The following FFAR2 variants were observed in gnomAD, a reference collection of about 807,000 sequenced individuals.
FFAR2 encodes the protein free fatty acid receptor 2.
For missense variants in FFAR2, 421 were observed against 428.9 expected (o/e 0.98, Z 0.16); for synonymous variants, 193 against 189.9 (o/e 1.02, Z -0.13).
In FFAR2 at chr19:35,448,842, C is replaced by T. The variant is rs78248256; in HGVS notation, c.-2+463C>T. On this transcript the variant is annotated intron_variant, in intron 1 of 1. Transcript: ENST00000599180. ...TTTTAGACGGAGTTTTTGCTCTTAC[C>T]GCCCAGGGTGGAGTGCAATGGCGCA... Among the ~76,000 whole-genome samples, 1,148 of 150,184 alleles carry T rather than the reference C, an allele frequency of 7.6e-3. 12 individuals carry two copies. The highest frequency in any genetic ancestry group is 0.025 in the African/African-American group (1,027 of 40,780).
rs2067375867 is a variant in FFAR2, at chr19:35,450,622, G to A, written c.908G>A (p.Gly303Asp). ...NQGSSLLGRR[G>D]KDTAEGTNED... ...GGCTCCTCCCTGTTGGGACGCAGAG[G>A]CAAAGACACAGCAGAGGGGACAAAT... The change falls in exon 2 of 2, where the codon GGC becomes GAC. Residue 303 changes from glycine to aspartate, a missense_variant. Gly to Asp is a moderately conservative substitution (Grantham distance 94). Coordinates refer to ENST00000599180, the MANE Select transcript of FFAR2 (RefSeq NM_001370087.1). 5 of 1,614,216 alleles carry A rather than the reference G, an allele frequency of 3.1e-6. No individual in the cohort carries two copies. The highest frequency in any genetic ancestry group is 4.2e-6 in the Non-Finnish European group (5 of 1,180,034).
chr19:35,450,343 C>T lies in FFAR2; in HGVS notation c.629C>T (p.Pro210Leu). 2 of 1,614,166 alleles carry T rather than the reference C, an allele frequency of 1.2e-6. No individual in the cohort carries two copies. Among genetic ancestry groups the T allele is most frequent in the Non-Finnish European group, 1.7e-6 (2 of 1,180,040 alleles). ...WRFVWIMLSQ[P>L]LVGAQRRRRA... Reference sequence around the variant, plus strand: ...TTTGTGTGGATCATGCTCTCCCAGCCCCTTGTGGGGGCCCAGAGGCGGCGC... The same window carrying T: ...TTTGTGTGGATCATGCTCTCCCAGCTCCTTGTGGGGGCCCAGAGGCGGCGC... The change falls in exon 2 of 2, where the codon CCC (proline) becomes CTC (leucine). Residue 210 changes from proline (P) to leucine (L), a missense_variant. Physicochemically the swap from Pro to Leu is moderately conservative, Grantham distance 98 (BLOSUM62 -3). Coordinates refer to ENST00000599180, the MANE Select transcript of FFAR2 (RefSeq NM_001370087.1).
At position 35,449,950 on chromosome 19, in the gene FFAR2, A is replaced by C; in HGVS notation, c.236A>C (p.Lys79Thr). Residue 79 changes from lysine to threonine, a missense_variant, in exon 2 of 2, where the codon AAG (lysine) becomes ACG (threonine). Lys to Thr is a moderately conservative substitution (Grantham distance 78). Coordinates refer to ENST00000599180, the MANE Select transcript of FFAR2 (RefSeq NM_001370087.1). ...AASNFRWYLP[K>T]VVCALTSFGF... ...TCGAACTTCCGCTGGTACCTGCCCA[A>C]GGTCGTCTGCGCCCTCACGAGTTTT... is the stretch of plus-strand genomic sequence containing the variant. The C allele has an allele frequency of 6.2e-7, 1 of 1,613,840 alleles. No individual in the cohort carries two copies. The highest frequency in any genetic ancestry group is 8.5e-7 in the Non-Finnish European group (1 of 1,179,988).
Position 35,450,681 on chromosome 19 carries a change from C to A in FFAR2, c.967C>A (p.Pro323Thr), listed in dbSNP as rs766727978. 8.7e-6 allele frequency: 14 copies of A among 1,613,588 alleles called. No homozygotes were observed. The East Asian group carries it at 2.9e-4, about 33-fold the overall frequency. Reference sequence around the variant, plus strand: ...GGGTGTGGGTCAAGGAGAAGGGATGCCAAGTTCGGACTTCACTACAGAGTA... The same window carrying A: ...GGGTGTGGGTCAAGGAGAAGGGATGACAAGTTCGGACTTCACTACAGAGTA... ...DRGVGQGEGM[P>T]SSDFTTE The change falls in exon 2 of 2, where the codon CCA becomes ACA. Residue 323 changes from proline to threonine, a missense_variant. Transcript: ENST00000599180.
intron 1 of FFAR2, among the ~76,000 whole-genome samples, chr19:35,448,938 G>T (rs975765705): frequency 1.2e-4 from 18 of 151,552 alleles, no homozygotes; most frequent in Non-Finnish European, 2.5e-4. Flanking sequence ...AAGTAGCTGG[G>T]ATTACAGGTG....
chr19:35,448,865 G>T (rs1231221490), intron 1 of FFAR2, among the ~76,000 whole-genome samples: 1 of 148,310 alleles, frequency 6.7e-6, no homozygotes, highest in African/African-American at 2.5e-5. Context: ...GTGCAATGGC[G>T]CAATCTTGAC....
chr19:35,451,046 A>C lies in FFAR2; in HGVS notation c.*339A>C, dbSNP rs1599744144. 1 of 213,456 alleles carries C rather than the reference A, an allele frequency of 4.7e-6. No homozygotes were observed. 13.2% of individuals were successfully genotyped at this position (213,456 alleles called of 1,614,324 possible). On this transcript the variant is annotated 3_prime_UTR_variant, in exon 2 of 2. Coordinates refer to ENST00000599180, the MANE Select transcript of FFAR2 (RefSeq NM_001370087.1). Reference sequence around the variant, plus strand: ...AGAACATCCTGGTCAACATGGGAAAACCCCGTCTCTACTAAAAATACAAAA... The same window carrying C: ...AGAACATCCTGGTCAACATGGGAAACCCCCGTCTCTACTAAAAATACAAAA...
Position 35,449,834 on chromosome 19 carries a change from G to C in FFAR2, c.120G>C (p.Gln40His), listed in dbSNP as rs764811681. ...TTGTGGGGCGGATCCGCCAGCCCCA[G>C]CCTGCACCTGTGCACATCCTCCTGC... ...RAFVGRIRQP[Q>H]PAPVHILLLS... Residue 40 changes from glutamine (Q) to histidine (H), a missense_variant, in exon 2 of 2, where the codon CAG (glutamine) becomes CAC (histidine). Transcript: ENST00000599180. 22 of 1,613,754 alleles carry C rather than the reference G, an allele frequency of 1.4e-5. No homozygotes were observed. The highest frequency in any genetic ancestry group is 1.7e-5 in the Non-Finnish European group (20 of 1,180,012).
At chr19:35,448,788 G>C (rs2145761658) in intron 1 of FFAR2, among the ~76,000 whole-genome samples, 1 of 149,848 alleles carries the variant, frequency 6.7e-6, no homozygotes, top group African/African-American at 2.5e-5. Context: ...AAGCCTCCCA[G>C]CTTCCCCTTT....
At position 35,451,411 on chromosome 19, in the gene FFAR2, A is replaced by G. The variant is rs547692676; in HGVS notation, c.*704A>G. ...CTCTAGCGGTTGATCCTGGAGATAAACCAACAAGAGAGAGATGGAAGAGAA... is the reference window on the plus strand; with the variant it reads ...CTCTAGCGGTTGATCCTGGAGATAAGCCAACAAGAGAGAGATGGAAGAGAA... On this transcript the variant is annotated 3_prime_UTR_variant, in exon 2 of 2. Transcript: ENST00000599180. 4 of 152,320 alleles carry G rather than the reference A, an allele frequency of 2.6e-5. No individual in the cohort carries two copies. Among genetic ancestry groups the G allele is most frequent in the South Asian group, 4.2e-4 (2 of 4,816 alleles). The allele number at this position is 152,320 out of a possible 1,614,324, so 9.4% of individuals were successfully genotyped here.
chr19:35,449,640 A>C, intron 1 of FFAR2, 74 bp from the exon 2 acceptor site: 1 of 1,476,412 alleles, frequency 6.8e-7, no homozygotes, highest in South Asian at 1.4e-5. Context: ...GGATGTCCGC[A>C]TCCTGAAGGA....
chr19:35,448,678 G>A (rs10425834), intron 1 of FFAR2, among the ~76,000 whole-genome samples: 4,577 of 152,192 alleles, frequency 0.03, 253 homozygotes, highest in African/African-American at 0.1. Context: ...GCCAGTGAAG[G>A]CCTGTGGGCT....
rs748366359 is a variant in FFAR2 at position 35,449,870 on chromosome 19, G to A, written c.156G>A (p.Thr52=). The change falls in exon 2 of 2, where the codon ACG becomes ACA. Residue 52 remains threonine, a synonymous_variant. Transcript: ENST00000599180. ...TGCACATCCTCCTGCTGAGCCTGAC[G>A]CTGGCCGACCTCCTCCTGCTGCTGC... ...APVHILLLSL[T]LADLLLLLLL... 15 of 1,613,090 alleles carry A rather than the reference G, an allele frequency of 9.3e-6. No homozygotes were observed. The highest frequency in any genetic ancestry group is 1.2e-5 in the Non-Finnish European group (14 of 1,180,034).
In FFAR2 at chr19:35,451,719, A is replaced by G. The variant is rs1328526734; in HGVS notation, c.*1012A>G. 1 of 152,232 alleles carries G rather than the reference A, an allele frequency of 6.6e-6. No individual in the cohort carries two copies. The highest frequency in any genetic ancestry group is 1.5e-5 in the Non-Finnish European group (1 of 68,046). 9.4% of individuals were successfully genotyped at this position (152,232 alleles called of 1,614,324 possible). A position where few individuals can be genotyped will look rare whatever the true frequency, so the allele number is the denominator to read the frequency against. The stretch of plus-strand genomic sequence containing the variant: ...AGATTGGCACTCCCTCATACAGGGG[A>G]AAGCAACCTGGTCTAGCAAATTGAA... On this transcript the variant is annotated 3_prime_UTR_variant, in exon 2 of 2. Coordinates refer to ENST00000599180, the MANE Select transcript of FFAR2 (RefSeq NM_001370087.1).
Position 35,450,708 on chromosome 19 carries a change from C to T in FFAR2, c.*1C>T, listed in dbSNP as rs1416330550. Reference sequence around the variant, plus strand: ...AAGTTCGGACTTCACTACAGAGTAGCAGTTTCCCTGGACCTTCAGAGGTCG... The same window carrying T: ...AAGTTCGGACTTCACTACAGAGTAGTAGTTTCCCTGGACCTTCAGAGGTCG... On this transcript the variant is annotated 3_prime_UTR_variant, in exon 2 of 2. Transcript: ENST00000599180. The T allele has an allele frequency of 6.2e-7, 1 of 1,609,966 alleles. No homozygotes were observed. The highest frequency in any genetic ancestry group is 1.1e-5 in the South Asian group (1 of 90,916).
At position 35,450,488 on chromosome 19, in the gene FFAR2, C is replaced by T. The variant is rs1310645991; in HGVS notation, c.774C>T (p.Ala258=). The stretch of plus-strand genomic sequence containing the variant: ...AAAGCCCCTGGTGGCGGTCAATAGC[C>T]GTGGTGTTCAGTTCACTCAACGCCA... ...QRKSPWWRSI[A]VVFSSLNASL... The change falls in exon 2 of 2, where the codon GCC becomes GCT. Residue 258 remains alanine, a synonymous_variant. Coordinates refer to ENST00000599180, the MANE Select transcript of FFAR2 (RefSeq NM_001370087.1). 2.5e-6 allele frequency: 4 copies of T among 1,614,240 alleles called. No homozygotes were observed. The highest frequency in any genetic ancestry group is 4.5e-5 in the East Asian group (2 of 44,888).
In FFAR2 at chr19:35,449,830, C is replaced by A; in HGVS notation, c.116C>A (p.Pro39His). The A allele has an allele frequency of 6.2e-7, 1 of 1,613,922 alleles. No homozygotes were observed. Among genetic ancestry groups the A allele is most frequent in the East Asian group, 2.2e-5 (1 of 44,886 alleles). The change falls in exon 2 of 2, where the codon CCC becomes CAC. Residue 39 changes from proline to histidine, a missense_variant. Coordinates refer to ENST00000599180, the MANE Select transcript of FFAR2 (RefSeq NM_001370087.1). The part of the protein sequence containing the change: ...LRAFVGRIRQ[P>H]QPAPVHILLL... ...GCCTTTGTGGGGCGGATCCGCCAGCCCCAGCCTGCACCTGTGCACATCCTC... is the reference window on the plus strand; with the variant it reads ...GCCTTTGTGGGGCGGATCCGCCAGCACCAGCCTGCACCTGTGCACATCCTC...
At position 35,449,831 on chromosome 19, in the gene FFAR2, C is replaced by A. The variant is rs759191740; in HGVS notation, c.117C>A (p.Pro39=). The A allele has an allele frequency of 3.5e-5, 56 of 1,613,812 alleles. No individual in the cohort carries two copies. Among genetic ancestry groups the A allele is most frequent in the Non-Finnish European group, 4.7e-5 (56 of 1,180,000 alleles). ...LRAFVGRIRQ[P]QPAPVHILLL... is the part of the protein sequence containing the mutation. Reference sequence around the variant, plus strand: ...CCTTTGTGGGGCGGATCCGCCAGCCCCAGCCTGCACCTGTGCACATCCTCC... The same window carrying A: ...CCTTTGTGGGGCGGATCCGCCAGCCACAGCCTGCACCTGTGCACATCCTCC... The change falls in exon 2 of 2, where the codon CCC becomes CCA. Residue 39 remains proline, a synonymous_variant. Coordinates refer to ENST00000599180, the MANE Select transcript of FFAR2 (RefSeq NM_001370087.1).
At chr19:35,448,633 G>A (rs975900283) in intron 1 of FFAR2, among the ~76,000 whole-genome samples, 1 of 152,076 alleles carries the variant, frequency 6.6e-6, no homozygotes, top group Admixed American at 6.6e-5. Context: ...TGAAGAAGAC[G>A]AGTTCTATTT....
Sources: allele counts gnomAD v4.1 joint callset (sites outside exome capture counted in the v4.1 genomes callset), GRCh38; gene constraint gnomAD v4.1.1; transcripts MANE v1.5; gene names NCBI Gene and HGNC (gene_info 2026-07-23, HGNC 2026-07-21).